PIK3R3: variants seen among roughly 807,000 people sequenced by gnomAD.
The protein encoded by PIK3R3 is phosphatidylinositol 3-kinase regulatory subunit gamma.
PIK3R3 carries 64 observed loss-of-function variants against 62.9 expected under a neutral mutation model. The ratio of observed to expected loss-of-function variants is 1.02; its 90% confidence interval spans 0.83 to 1.25. The LOEUF (loss-of-function observed/expected upper bound fraction) is 1.25. Among genes scored for constraint, PIK3R3 ranks in the 50% most tolerant of loss-of-function variants. The probability of loss-of-function intolerance (pLI) is 0.00; values close to 1 mark genes in which losing one functional copy is unlikely to be tolerated. For synonymous variants in PIK3R3, 165 were observed against 189.0 expected, an observed-to-expected ratio of 0.87 and a Z score of 1.04; for missense variants, 614 against 561.6, an observed-to-expected ratio of 1.09 and a Z score of -0.94.
At chr1:46,072,586 T>C (rs1401343529) in intron 3 of PIK3R3, among the ~76,000 whole-genome samples, 1 of 152,220 alleles carries the variant, frequency 6.6e-6, no homozygotes, top group African/African-American at 2.4e-5. Context: ...TTAAAAGGAA[T>C]GAAATTCCAC....
rs1248470660 is a variant in PIK3R3 at position 46,126,770 on chromosome 1, C to CA, written c.106+5076dup. On this transcript the variant is annotated intron_variant, in intron 1 of 9. Coordinates refer to ENST00000262741, the MANE Select transcript of PIK3R3 (RefSeq NM_003629.4). ...GGGGCAACAAAGCAAGACCCTGTCT[C>CA]AAAAAAAAAAGCCATATGTATAATG... is the stretch of plus-strand genomic sequence containing the variant. Among the ~76,000 whole-genome samples the CA allele has an allele frequency of 4.3e-3, 592 of 137,684 alleles. 5 individuals carry two copies. The highest frequency in any genetic ancestry group is 6.7e-3 in the Non-Finnish European group (425 of 63,064). The allele number at this position is 137,684 out of a possible 152,430, so 90.3% of individuals were successfully genotyped here.
At chr1:46,167,011 C>G in the PIK3R3 span, among the ~76,000 whole-genome samples, 1 of 152,270 alleles carries the variant, frequency 6.6e-6, no homozygotes, top group Admixed American at 6.5e-5. Context: ...CTTCCTTTTC[C>G]TGACTCCGCG....
At chr1:46,130,564 G>GA (rs66538782) in intron 1 of PIK3R3, among the ~76,000 whole-genome samples, 33,211 of 147,644 alleles carry the variant, frequency 0.22, 4,369 homozygotes, top group Middle Eastern at 0.31. Context: ...CTGACTAATT[G>GA]AAAAAAAAAA....
chr1:46,086,571 G>C (rs1651075091), intron 1 of PIK3R3, among the ~76,000 whole-genome samples: 1 of 152,086 alleles, frequency 6.6e-6, no homozygotes, highest in South Asian at 2.1e-4. Flanking sequence ...GTGGTGGCAA[G>C]CACCTGTAAT....
intron 1 of PIK3R3, among the ~76,000 whole-genome samples, chr1:46,107,939 C>A (rs1478476941): frequency 6.6e-6 from 1 of 152,184 alleles, no homozygotes; most frequent in Admixed American, 6.5e-5. Context: ...TAATAGTTCT[C>A]TTTGCCATTT....
chr1:46,114,389 C>T (rs938739606), intron 1 of PIK3R3, among the ~76,000 whole-genome samples: 6 of 152,152 alleles, frequency 3.9e-5, no homozygotes, highest in African/African-American at 1.4e-4. Context: ...AACATCTTAC[C>T]GCCTCCCCTC....
At chr1:46,152,020 G>A in the PIK3R3 span, among the ~76,000 whole-genome samples, 1 of 152,222 alleles carries the variant, frequency 6.6e-6, no homozygotes, top group Non-Finnish European at 1.5e-5. Flanking sequence ...AAACTCACCT[G>A]TTATACAGGA....
intron 1 of PIK3R3, among the ~76,000 whole-genome samples, chr1:46,115,236 G>A (rs1654085905): frequency 6.6e-6 from 1 of 152,178 alleles, no homozygotes; most frequent in East Asian, 1.9e-4. Context: ...ATCAAACCAT[G>A]CCAGGGGCCC....
chr1:46,121,812 T>C (rs765801293), intron 1 of PIK3R3, among the ~76,000 whole-genome samples: 14 of 152,172 alleles, frequency 9.2e-5, no homozygotes, highest in African/African-American at 1.4e-4. Flanking sequence ...GTAGATGGTA[T>C]TGACTTTGGC....
intron 1 of PIK3R3, 120 bp from the exon 2 acceptor site, chr1:46,080,870 T>G: frequency 1.6e-6 from 1 of 644,120 alleles, no homozygotes; most frequent in East Asian, 2.6e-5. Flanking sequence ...TCAAATTGAG[T>G]ATTATTTTAT....
intron 7 of PIK3R3, among the ~76,000 whole-genome samples, chr1:46,050,767 G>C (rs1188064041): frequency 1.3e-5 from 2 of 152,106 alleles, no homozygotes; most frequent in African/African-American, 4.8e-5. Flanking sequence ...GTTCACAGCA[G>C]CATTACTGAA....
intron 1 of PIK3R3, among the ~76,000 whole-genome samples, chr1:46,097,260 C>G (rs1198730697): frequency 1.3e-5 from 2 of 151,998 alleles, no homozygotes; most frequent in Non-Finnish European, 2.9e-5. Flanking sequence ...AATTAAACAC[C>G]CTACCAGGTG....
chr1:46,053,896 A>C (rs1010457413), intron 7 of PIK3R3, among the ~76,000 whole-genome samples: 1 of 152,082 alleles, frequency 6.6e-6, no homozygotes, highest in Non-Finnish European at 1.5e-5. Context: ...TCATGATGTG[A>C]CCAGAACCAC....
chr1:46,147,610 G>A, the PIK3R3 span, among the ~76,000 whole-genome samples: 11 of 151,632 alleles, frequency 7.3e-5, no homozygotes, highest in South Asian at 1.2e-3. Flanking sequence ...TAGTAGAGAC[G>A]GAGTTTCACT....
chr1:46,085,772 G>C (rs1407026572), intron 1 of PIK3R3, among the ~76,000 whole-genome samples: 1 of 152,328 alleles, frequency 6.6e-6, no homozygotes, highest in East Asian at 1.9e-4. Flanking sequence ...GCAATGCTGA[G>C]TGATAAGTTA....
upstream of PIK3R3, among the ~76,000 whole-genome samples, chr1:46,135,900 A>G (rs772935754): frequency 5.9e-5 from 9 of 151,962 alleles, no homozygotes; most frequent in Non-Finnish European, 8.8e-5. Context: ...CATGTTGGCA[A>G]GCGCTTGTAA....
At chr1:46,116,102 G>A (rs150330243) in intron 1 of PIK3R3, among the ~76,000 whole-genome samples, 7 of 152,328 alleles carry the variant, frequency 4.6e-5, no homozygotes, top group Admixed American at 3.9e-4. Flanking sequence ...GCATTTTTGA[G>A]AGGATGGAAT....
the PIK3R3 span, among the ~76,000 whole-genome samples, chr1:46,154,992 A>G: frequency 6.6e-6 from 1 of 152,168 alleles, no homozygotes; most frequent in Admixed American, 6.6e-5. Context: ...AACTTTACTT[A>G]TGTTTTTTGT....
chr1:46,146,478 T>C, the PIK3R3 span, among the ~76,000 whole-genome samples: 2 of 152,122 alleles, frequency 1.3e-5, no homozygotes, highest in Non-Finnish European at 2.9e-5. Flanking sequence ...CTCAATATCA[T>C]ATCAGAGTTT....
Sources: allele counts gnomAD v4.1 joint callset (sites outside exome capture counted in the v4.1 genomes callset), GRCh38; gene constraint gnomAD v4.1.1; transcripts MANE v1.5; gene names NCBI Gene and HGNC (gene_info 2026-07-23, HGNC 2026-07-21).